The following HTR7 variants were observed in gnomAD, a reference collection of about 807,000 sequenced individuals.
HTR7 encodes 5-hydroxytryptamine receptor 7.
HTR7 carries 16 observed loss-of-function variants against 34.0 expected under a neutral mutation model. That is an observed-to-expected ratio of 0.47 (90% confidence interval 0.32 to 0.71). The LOEUF (loss-of-function observed/expected upper bound fraction) is 0.71, where lower values mean the gene tolerates loss of function less well. Ranked by LOEUF, HTR7 falls within the 30% of genes least tolerant of loss-of-function variation. HTR7 has a pLI of 0.04. For missense variants in HTR7, 504 were observed against 625.5 expected (o/e 0.81, Z 2.07); for synonymous variants, 265 against 260.2 (o/e 1.02, Z -0.18).
At position 90,741,023 on chromosome 10, in the gene HTR7, C is replaced by T. The variant is rs1844533210; in HGVS notation, c.*1459G>A. 1 of 152,546 alleles carries T rather than the reference C, an allele frequency of 6.6e-6. No homozygotes were observed. The allele number at this position is 152,546 out of a possible 1,614,324, so 9.4% of individuals were successfully genotyped here. A position where few individuals can be genotyped will look rare whatever the true frequency, so the allele number is the denominator to read the frequency against. On this transcript the variant is annotated 3_prime_UTR_variant, in exon 4 of 4. Transcript: ENST00000336152. ...GCTTTGTCTGAAAGGACAGTGCCCT[C>T]CTCCCCTTTCAGGAAAGGTAGCTTT...
chr10:90,789,011 T>C (rs1845425326), intron 1 of HTR7, among the ~76,000 whole-genome samples: 1 of 152,022 alleles, frequency 6.6e-6, no homozygotes, highest in African/African-American at 2.4e-5. Context: ...ATTATCGCGA[T>C]CCCCTAGCAC....
chr10:90,828,101 C>T (rs1249104572), intron 1 of HTR7, among the ~76,000 whole-genome samples: 1 of 152,144 alleles, frequency 6.6e-6, no homozygotes, highest in South Asian at 2.1e-4. Context: ...AAATAATACA[C>T]TCCTGAATGA....
chr10:90,753,375 G>A (rs932017257), intron 1 of HTR7, among the ~76,000 whole-genome samples: 2 of 148,480 alleles, frequency 1.3e-5, no homozygotes, highest in African/African-American at 4.9e-5. Flanking sequence ...CTATTTTAAA[G>A]AGAGAGAGAG....
At chr10:90,830,024 T>C (rs1846140391) in intron 1 of HTR7, among the ~76,000 whole-genome samples, 2 of 152,202 alleles carry the variant, frequency 1.3e-5, no homozygotes, top group African/African-American at 4.8e-5. Context: ...AATCTACAGA[T>C]TCAATGCAAT....
At chr10:90,762,305 T>C (rs1276606256) in intron 1 of HTR7, among the ~76,000 whole-genome samples, 1 of 152,234 alleles carries the variant, frequency 6.6e-6, no homozygotes, top group Admixed American at 6.5e-5. Flanking sequence ...TCGTTATTTC[T>C]TGTCTTTTTG....
chr10:90,795,334 G>C (rs1159809674), intron 1 of HTR7, among the ~76,000 whole-genome samples: 2 of 152,150 alleles, frequency 1.3e-5, no homozygotes, highest in Non-Finnish European at 2.9e-5. Context: ...TATAACTACA[G>C]CACAAACTCA....
At chr10:90,748,629 C>T (rs1844678163) in intron 2 of HTR7, among the ~76,000 whole-genome samples, 1 of 152,206 alleles carries the variant, frequency 6.6e-6, no homozygotes, top group South Asian at 2.1e-4. Context: ...GCAAATTAGT[C>T]TCATCTACCA....
At chr10:90,744,749 T>C (rs1237824333) in intron 2 of HTR7, among the ~76,000 whole-genome samples, 1 of 152,190 alleles carries the variant, frequency 6.6e-6, no homozygotes. Context: ...AAATTACTCC[T>C]GATTAAGAAC....
intron 1 of HTR7, among the ~76,000 whole-genome samples, chr10:90,755,978 A>G (rs1328583730): frequency 6.6e-6 from 1 of 152,254 alleles, no homozygotes; most frequent in African/African-American, 2.4e-5. Flanking sequence ...GTATAACTCT[A>G]TAATAGTAGA....
chr10:90,743,314 G>C (rs987171963), intron 3 of HTR7, among the ~76,000 whole-genome samples: 3 of 152,152 alleles, frequency 2.0e-5, no homozygotes, highest in African/African-American at 7.2e-5. Context: ...CTGGAGACAT[G>C]GTTTCTAGCT....
At chr10:90,784,359 G>A (rs1845351152) in intron 1 of HTR7, among the ~76,000 whole-genome samples, 1 of 152,022 alleles carries the variant, frequency 6.6e-6, no homozygotes, top group Non-Finnish European at 1.5e-5. Flanking sequence ...ATCCTTCTTA[G>A]GCAAGCATCC....
chr10:90,809,805 A>G (rs1022324849), intron 1 of HTR7, among the ~76,000 whole-genome samples: 5 of 152,048 alleles, frequency 3.3e-5, no homozygotes, highest in African/African-American at 7.2e-5. Flanking sequence ...GGACTGTCCA[A>G]CTCACCTGGC....
intron 1 of HTR7, among the ~76,000 whole-genome samples, chr10:90,775,853 C>T (rs113844481): frequency 0.025 from 3,796 of 152,280 alleles, 157 homozygotes; most frequent in African/African-American, 0.082. Flanking sequence ...GAGACCAGCA[C>T]TGCCCAAGAG....
At chr10:90,803,097 G>A (rs1589456587) in intron 1 of HTR7, among the ~76,000 whole-genome samples, 1 of 146,286 alleles carries the variant, frequency 6.8e-6, no homozygotes, top group East Asian at 2.1e-4. Context: ...CTCCTCAGAA[G>A]AAAGAATTTG....
intron 1 of HTR7, among the ~76,000 whole-genome samples, chr10:90,845,858 C>A (rs887170866): frequency 6.6e-6 from 1 of 152,192 alleles, no homozygotes; most frequent in African/African-American, 2.4e-5. Flanking sequence ...CCCTTCACTC[C>A]GTGATCTTCT....
intron 1 of HTR7, among the ~76,000 whole-genome samples, chr10:90,845,057 G>C (rs1248648960): frequency 6.6e-6 from 1 of 152,108 alleles, no homozygotes; most frequent in African/African-American, 2.4e-5. Flanking sequence ...CTGGGGGTAG[G>C]GGGCTGTGTA....
At chr10:90,852,075 T>A (rs1037971744) in intron 1 of HTR7, among the ~76,000 whole-genome samples, 5 of 151,858 alleles carry the variant, frequency 3.3e-5, no homozygotes, top group Admixed American at 1.3e-4. Context: ...AAAATAATGC[T>A]GGGCCGGGCA....
chr10:90,805,214 T>C (rs1425576808), intron 1 of HTR7, among the ~76,000 whole-genome samples: 2 of 152,192 alleles, frequency 1.3e-5, no homozygotes, highest in Non-Finnish European at 2.9e-5. Flanking sequence ...GGGCTACTCA[T>C]TTCTTTGCAT....
chr10:90,753,373 A>AAGAG (rs150993996), intron 1 of HTR7, among the ~76,000 whole-genome samples: 115 of 150,518 alleles, frequency 7.6e-4, no homozygotes, highest in African/African-American at 2.5e-3. Flanking sequence ...CTCTATTTTA[A>AAGAG]AGAGAGAGAG....
Sources: allele counts gnomAD v4.1 joint callset (sites outside exome capture counted in the v4.1 genomes callset), GRCh38; gene constraint gnomAD v4.1.1; transcripts MANE v1.5; gene names NCBI Gene and HGNC (gene_info 2026-07-23, HGNC 2026-07-21).